Variants in ZNF254 observed in about 807,000 individuals in gnomAD.
ZNF254 encodes the protein CTD-2017D11.1.
In ZNF254, 10 loss-of-function variants were observed where a neutral mutation model predicts 12.4. The observed-to-expected ratio is 0.80, with a 90% CI of 0.50 to 1.36. ZNF254 has a LOEUF of 1.36. Ranked by LOEUF, ZNF254 falls within the 40% of genes most tolerant of loss-of-function variation. ZNF254 has a pLI of 0.00. For synonymous variants in ZNF254, 305 were observed against 253.4 expected, an observed-to-expected ratio of 1.20 and a Z score of -1.93; for missense variants, 996 against 763.9, an observed-to-expected ratio of 1.30 and a Z score of -3.58.
At position 24,125,398 on chromosome 19, in the gene ZNF254, A is replaced by C. The variant is rs530848159; in HGVS notation, c.254-856A>C. ...TATTCAGTTTATTACCAATTATTAA[A>C]ATTAATGTATACATCTTTTTTATGA... On this transcript the variant is annotated intron_variant, in intron 3 of 3. Transcript: ENST00000357002. 1.4e-3 allele frequency among the ~76,000 whole-genome samples: 211 copies of C among 151,848 alleles called. 1 individual carries two copies. Among genetic ancestry groups the C allele is most frequent in the African/African-American group, 4.9e-3 (204 of 41,452 alleles).
Position 24,115,779 on chromosome 19 carries a change from T to C in ZNF254, c.253+9136T>C, listed in dbSNP as rs1278207056. On this transcript the variant is annotated intron_variant, in intron 3 of 3. Transcript: ENST00000357002. ...ATTTTGCTCGTTAGTTGATGCAGTG[T>C]CTTTCTAGCCTCGACGGTTTCTACA... Among the ~76,000 whole-genome samples, 4 of 152,192 alleles carry C rather than the reference T, an allele frequency of 2.6e-5. No individual in the cohort carries two copies. The South Asian group carries it at 8.3e-4, about 31-fold the overall frequency.
intron 3 of ZNF254, among the ~76,000 whole-genome samples, chr19:24,115,613 A>T (rs1416065151): frequency 6.6e-6 from 1 of 151,986 alleles, no homozygotes; most frequent in Non-Finnish European, 1.5e-5. Context: ...AGCATGGCAC[A>T]TGTATACATA....
In ZNF254 at chr19:24,127,645, G is replaced by C. The variant is rs147017191; in HGVS notation, c.1645G>C (p.Glu549Gln). Reference sequence around the variant, plus strand: ...TACTGAAGAGAAACCCTACAAATGTGAAAAATGTGGCAAAGCCTTTAAGCA... The same window carrying C: ...TACTGAAGAGAAACCCTACAAATGTCAAAAATGTGGCAAAGCCTTTAAGCA... ...IHTEEKPYKCEKCGKAFKQSS... is the reference protein window; with the variant it reads ...IHTEEKPYKCQKCGKAFKQSS... The change falls in exon 4 of 4, where the codon GAA becomes CAA. Residue 549 changes from glutamate (E) to glutamine (Q), a missense_variant. By Grantham distance (29) the Glu-to-Gln change is conservative. Transcript: ENST00000357002. 3.0e-5 allele frequency: 49 copies of C among 1,610,750 alleles called. No homozygotes were observed. Among genetic ancestry groups the C allele is most frequent in the Non-Finnish European group, 4.1e-5 (48 of 1,178,304 alleles).
intron 2 of ZNF254, among the ~76,000 whole-genome samples, chr19:24,051,390 C>A (rs1306097795): frequency 6.6e-6 from 1 of 152,112 alleles, no homozygotes; most frequent in African/African-American, 2.4e-5. Flanking sequence ...GAATTCCTGA[C>A]CTCAAGTGAG....
chr19:24,095,587 T>C (rs570839530), intron 1 of ZNF254, among the ~76,000 whole-genome samples: 43 of 152,238 alleles, frequency 2.8e-4, no homozygotes, highest in African/African-American at 1.0e-3. Context: ...TATTTAGGGG[T>C]TTCATTTCTT....
chr19:24,123,098 A>G (rs1416820834), intron 3 of ZNF254, among the ~76,000 whole-genome samples: 2 of 152,100 alleles, frequency 1.3e-5, no homozygotes, highest in Non-Finnish European at 2.9e-5. Context: ...AAAAACATTC[A>G]TTAAGTCTGT....
At position 24,107,322 on chromosome 19, in the gene ZNF254, T is replaced by G. The variant is rs1483782802; in HGVS notation, c.253+679T>G. On this transcript the variant is annotated intron_variant, in intron 3 of 3. Transcript: ENST00000357002. The stretch of plus-strand genomic sequence containing the variant: ...TATGGCAGTTTCATAATACTTATTC[T>G]TTCAATAGAAATAAAACATTTTAAA... 8.2e-6 allele frequency: 4 copies of G among 490,572 alleles called. No individual in the cohort carries two copies. The East Asian group carries it at 1.0e-4, about 13-fold the overall frequency. The allele number at this position is 490,572 out of a possible 1,614,324, so 30.4% of individuals were successfully genotyped here.
intron 1 of ZNF254, among the ~76,000 whole-genome samples, chr19:24,093,035 A>T (rs1972484294): frequency 6.6e-6 from 1 of 151,882 alleles, no homozygotes; most frequent in South Asian, 2.1e-4. Context: ...TTTTCTTTGC[A>T]TTTCTCCAAT....
intron 2 of ZNF254, among the ~76,000 whole-genome samples, chr19:24,074,082 C>T (rs190561661): frequency 1.1e-3 from 174 of 152,274 alleles, no homozygotes; most frequent in Middle Eastern, 3.4e-3. Flanking sequence ...GGTTATGTGA[C>T]TCTCATTCCT....
In ZNF254 at chr19:24,126,996, A is replaced by G. The variant is rs758303894; in HGVS notation, c.996A>G (p.Ile332Met). 8.1e-6 allele frequency: 13 copies of G among 1,612,832 alleles called. No individual in the cohort carries two copies. Among genetic ancestry groups the G allele is most frequent in the South Asian group, 5.5e-5 (5 of 91,016 alleles). Residue 332 changes from isoleucine to methionine, a missense_variant, in exon 4 of 4, where the codon ATA (isoleucine) becomes ATG (methionine). By Grantham distance (10) the Ile-to-Met change is conservative. Transcript: ENST00000357002. ...YKCEECGKAF[I>M]WSSTLTRHKR... The stretch of plus-strand genomic sequence containing the variant: ...GTGAAGAATGTGGCAAAGCATTTAT[A>G]TGGTCCTCAACACTAACTAGACATA...
At chr19:24,046,265 T>G (rs186710967) in exon 2 of ZNF254, 1 of 151,532 alleles carries the variant, frequency 6.6e-6, no homozygotes, top group East Asian at 2.0e-4. Context: ...GAGGAGACCA[T>G]AGCTGCACAG....
Position 24,105,967 on chromosome 19 carries a change from A to G in ZNF254, c.58A>G (p.Ile20Val). ...ACTGTTGACATTTAGGGATGTGGCCATAGAATTCTCTCTGGAGGAGTGGCA... is the reference window on the plus strand; with the variant it reads ...ACTGTTGACATTTAGGGATGTGGCCGTAGAATTCTCTCTGGAGGAGTGGCA... The part of the protein sequence containing the change: ...MGLLTFRDVA[I>V]EFSLEEWQHL... The change falls in exon 2 of 4, where the codon ATA (isoleucine) becomes GTA (valine). Residue 20 changes from isoleucine (I) to valine (V), a missense_variant. Coordinates refer to ENST00000357002, the MANE Select transcript of ZNF254 (RefSeq NM_203282.4). 1.3e-6 allele frequency: 2 copies of G among 1,598,242 alleles called. No individual in the cohort carries two copies. The highest frequency in any genetic ancestry group is 1.7e-6 in the Non-Finnish European group (2 of 1,170,392).
chr19:24,101,056 A>G (rs569602329), intron 1 of ZNF254, among the ~76,000 whole-genome samples: 6 of 152,078 alleles, frequency 3.9e-5, no homozygotes, highest in African/African-American at 1.4e-4. Context: ...CGAACTCCCA[A>G]CCTCAGGTGA....
At chr19:24,089,957 A>G (rs900579899) in intron 1 of ZNF254, among the ~76,000 whole-genome samples, 4 of 151,720 alleles carry the variant, frequency 2.6e-5, no homozygotes, top group Non-Finnish European at 5.9e-5. Flanking sequence ...TTGGGAGGCC[A>G]AGGAGGGTGG....
At chr19:24,093,602 G>C (rs1007418956) in intron 1 of ZNF254, among the ~76,000 whole-genome samples, 6 of 152,240 alleles carry the variant, frequency 3.9e-5, no homozygotes, top group African/African-American at 1.4e-4. Flanking sequence ...TTGTAGGTGA[G>C]TGACATTATT....
intron 2 of ZNF254, among the ~76,000 whole-genome samples, chr19:24,059,553 G>A (rs1970992813): frequency 6.6e-6 from 1 of 152,126 alleles, no homozygotes. Context: ...TTCCCAAAAA[G>A]AGAGTTTGAT....
intron 2 of ZNF254, among the ~76,000 whole-genome samples, chr19:24,070,042 CTG>C (rs1398464537): frequency 6.6e-6 from 1 of 152,220 alleles, no homozygotes; most frequent in Non-Finnish European, 1.5e-5. Flanking sequence ...GGAATTGTGA[CTG>C]TGATATGCAA....
upstream of ZNF254, among the ~76,000 whole-genome samples, chr19:24,083,194 G>A (rs1427396952): frequency 5.3e-5 from 8 of 152,002 alleles, no homozygotes; most frequent in Admixed American, 5.2e-4. Flanking sequence ...TTTAAATCAA[G>A]AACTCAACCC....
intron 1 of ZNF254, among the ~76,000 whole-genome samples, chr19:24,091,067 G>C (rs796350674): frequency 6.7e-6 from 1 of 149,808 alleles, no homozygotes; most frequent in African/African-American, 2.5e-5. Context: ...TCCTGCCTCA[G>C]CCTCCTGCGT....
Sources: allele counts gnomAD v4.1 joint callset (sites outside exome capture counted in the v4.1 genomes callset), GRCh38; gene constraint gnomAD v4.1.1; transcripts MANE v1.5; gene names NCBI Gene and HGNC (gene_info 2026-07-23, HGNC 2026-07-21).